The following HPSE2 variants were observed in gnomAD, a reference collection of about 807,000 sequenced individuals.
The protein encoded by HPSE2 is inactive heparanase-2.
Under a neutral mutation model 60.5 loss-of-function variants are expected in HPSE2, and 38 were observed. That is an observed-to-expected ratio of 0.63 (90% CI 0.48 to 0.82). The LOEUF is 0.82. Ranked by LOEUF, HPSE2 falls within the 40% of genes least tolerant of loss-of-function variation. The probability of loss-of-function intolerance (pLI) is 0.00; values close to 1 mark genes in which losing one functional copy is unlikely to be tolerated. For missense variants in HPSE2, 713 were observed against 740.4 expected, an observed-to-expected ratio of 0.96 and a Z score of 0.43; for synonymous variants, 295 against 293.2, an observed-to-expected ratio of 1.01 and a Z score of -0.06.
rs1316119245 is a variant in HPSE2 at position 98,941,321 on chromosome 10, T to A, written c.611-197265A>T. On this transcript the variant is annotated intron_variant, in intron 3 of 11. Coordinates refer to ENST00000370552, the MANE Select transcript of HPSE2 (RefSeq NM_021828.5). Reference sequence around the variant, plus strand: ...CCTGTTTGCAGATGACATGATTGTATATCTAGAAAACCCCATTGTCTCAGC... The same window carrying A: ...CCTGTTTGCAGATGACATGATTGTAAATCTAGAAAACCCCATTGTCTCAGC... Among the ~76,000 whole-genome samples, 18 of 125,000 alleles carry A rather than the reference T, an allele frequency of 1.4e-4. No homozygotes were observed. The Admixed American group carries it at 1.5e-3, about 10-fold the overall frequency. 82.0% of individuals were successfully genotyped at this position (125,000 alleles called of 152,430 possible). A position where few individuals can be genotyped will look rare whatever the true frequency, so the allele number is the denominator to read the frequency against.
chr10:99,220,957 G>A (rs184206921), intron 2 of HPSE2, among the ~76,000 whole-genome samples: 10 of 145,932 alleles, frequency 6.9e-5, no homozygotes, highest in Admixed American at 3.5e-4. Flanking sequence ...CGATTCTCTC[G>A]CCTCAGCCTC....
intron 3 of HPSE2, among the ~76,000 whole-genome samples, chr10:99,049,297 G>T (rs1957935216): frequency 6.6e-6 from 1 of 151,990 alleles, no homozygotes; most frequent in Admixed American, 6.6e-5. Context: ...TAAAACATTA[G>T]CATTACAACA....
chr10:98,890,335 C>T (rs1252171011), intron 3 of HPSE2, among the ~76,000 whole-genome samples: 1 of 151,786 alleles, frequency 6.6e-6, no homozygotes, highest in African/African-American at 2.4e-5. Flanking sequence ...TGTTCAACAA[C>T]TGAAAAGTGG....
intron 2 of HPSE2, among the ~76,000 whole-genome samples, chr10:99,225,152 T>C (rs17111312): frequency 0.028 from 4,306 of 152,160 alleles, 199 homozygotes; most frequent in African/African-American, 0.098. Context: ...TAAACATACA[T>C]AAAATTTCAG....
intron 9 of HPSE2, among the ~76,000 whole-genome samples, chr10:98,605,648 A>G (rs1945558773): frequency 6.6e-6 from 1 of 152,182 alleles, no homozygotes; most frequent in Non-Finnish European, 1.5e-5. Context: ...GCAGTGAGAT[A>G]CACCACTATT....
chr10:99,276,511 T>C, the HPSE2 span, among the ~76,000 whole-genome samples: 2 of 152,220 alleles, frequency 1.3e-5, no homozygotes, highest in Admixed American at 6.5e-5. Context: ...TTATTTTCTC[T>C]AGTGCTCTCA....
intron 3 of HPSE2, among the ~76,000 whole-genome samples, chr10:98,846,240 T>G (rs1952031565): frequency 6.6e-6 from 1 of 152,230 alleles, no homozygotes; most frequent in Non-Finnish European, 1.5e-5. Context: ...AATTGAAATT[T>G]TTGATAACTA....
chr10:98,966,634 T>TAG (rs1955821381), intron 3 of HPSE2, among the ~76,000 whole-genome samples: 1 of 152,202 alleles, frequency 6.6e-6, no homozygotes, highest in Non-Finnish European at 1.5e-5. Context: ...CTCTACTCCC[T>TAG]CTGTGACGCG....
chr10:99,291,195 G>C, the HPSE2 span, among the ~76,000 whole-genome samples: 1 of 152,212 alleles, frequency 6.6e-6, no homozygotes, highest in Admixed American at 6.5e-5. Flanking sequence ...AAGGCCACAG[G>C]GGATGGATCA....
chr10:98,850,385 G>C (rs983044074), intron 3 of HPSE2, among the ~76,000 whole-genome samples: 3 of 152,126 alleles, frequency 2.0e-5, no homozygotes, highest in Non-Finnish European at 4.4e-5. Flanking sequence ...AGCTTTTCTG[G>C]TGCCAACTGG....
At chr10:98,730,878 A>G (rs544824233) in intron 4 of HPSE2, among the ~76,000 whole-genome samples, 78 of 152,348 alleles carry the variant, frequency 5.1e-4, no homozygotes, top group Admixed American at 1.2e-3. Flanking sequence ...ATTCTATTAA[A>G]TATTTAAATA....
At chr10:98,503,392 G>A (rs912351712) in intron 9 of HPSE2, among the ~76,000 whole-genome samples, 2 of 152,102 alleles carry the variant, frequency 1.3e-5, no homozygotes, top group Admixed American at 1.3e-4. Context: ...GCAGTGAACA[G>A]GGAACACTTC....
At chr10:98,522,013 T>A (rs1564937294) in intron 9 of HPSE2, among the ~76,000 whole-genome samples, 1 of 151,904 alleles carries the variant, frequency 6.6e-6, no homozygotes, top group Non-Finnish European at 1.5e-5. Context: ...GGGAAAAGCA[T>A]TAGGAGAAAT....
chr10:98,940,538 A>T (rs1216856478), intron 3 of HPSE2, among the ~76,000 whole-genome samples: 2 of 143,822 alleles, frequency 1.4e-5, no homozygotes, highest in Non-Finnish European at 3.0e-5. Flanking sequence ...ACAAGGAAGA[A>T]GTTGAATCTC....
chr10:98,568,173 T>C (rs774397387), intron 9 of HPSE2, among the ~76,000 whole-genome samples: 1 of 152,182 alleles, frequency 6.6e-6, no homozygotes, highest in Non-Finnish European at 1.5e-5. Flanking sequence ...AACTAAACTC[T>C]TTAGAAGAAA....
At chr10:99,186,369 C>T (rs1303708163) in intron 2 of HPSE2, among the ~76,000 whole-genome samples, 4 of 151,534 alleles carry the variant, frequency 2.6e-5, no homozygotes, top group Non-Finnish European at 5.9e-5. Flanking sequence ...ATGGTGAAAC[C>T]CTGTCTCTAC....
chr10:99,253,761 G>A, the HPSE2 span, among the ~76,000 whole-genome samples: 5 of 151,854 alleles, frequency 3.3e-5, no homozygotes, highest in African/African-American at 7.3e-5. Flanking sequence ...AACTGAACAA[G>A]CAAAAACTAA....
At chr10:98,462,177 TTTTA>T (rs544140212) in intron 11 of HPSE2, among the ~76,000 whole-genome samples, 312 of 152,294 alleles carry the variant, frequency 2.0e-3, no homozygotes, top group African/African-American at 7.0e-3. Flanking sequence ...TTCTTTTTAT[TTTTA>T]TTTATTTATT....
At chr10:98,939,371 T>C (rs567594510) in intron 3 of HPSE2, among the ~76,000 whole-genome samples, 1 of 142,468 alleles carries the variant, frequency 7.0e-6, no homozygotes, top group Admixed American at 7.0e-5. Context: ...AGGCTCAAAA[T>C]AAAAGGATGG....
Sources: gnomAD v4.1 joint callset for allele counts (sites outside exome capture counted in the v4.1 genomes callset) on GRCh38, gnomAD v4.1.1 for gene constraint, MANE v1.5 for transcripts, NCBI Gene and HGNC (gene_info 2026-07-23, HGNC 2026-07-21) for gene names.